Variants in P4HA1 observed in about 807,000 individuals in gnomAD.
The protein encoded by P4HA1 is prolyl 4-hydroxylase subunit alpha-1.
A neutral mutation model predicts 72.8 loss-of-function variants in P4HA1; 24 were observed. The observed-to-expected ratio is 0.33, with a 90% CI of 0.24 to 0.46. The LOEUF is 0.46. Ranked by LOEUF, P4HA1 falls within the 20% of genes least tolerant of loss-of-function variation. The pLI, the probability that P4HA1 is intolerant of heterozygous loss-of-function variation, is 1.00. For synonymous variants in P4HA1, 201 were observed against 218.8 expected (o/e 0.92, Z 0.72); for missense variants, 446 against 640.6 (o/e 0.70, Z 3.28).
intron 12 of P4HA1, among the ~76,000 whole-genome samples, chr10:73,013,785 C>G (rs538014352): frequency 5.3e-5 from 8 of 152,092 alleles, no homozygotes; most frequent in Middle Eastern, 3.4e-3. Context: ...ACTGAATACA[C>G]CAGAAGTGTT....
At chr10:73,059,612 G>A (rs183029990) in intron 5 of P4HA1, among the ~76,000 whole-genome samples, 3 of 150,938 alleles carry the variant, frequency 2.0e-5, no homozygotes, top group South Asian at 4.2e-4. Context: ...GCATGGTGGC[G>A]GGCGCCTATA....
Position 73,046,930 on chromosome 10 carries a change from G to C in P4HA1, c.1072C>G (p.Pro358Ala), listed in dbSNP as rs1299176298. 8.1e-6 allele frequency: 13 copies of C among 1,600,382 alleles called. No homozygotes were observed. The highest frequency in any genetic ancestry group is 1.1e-5 in the Non-Finnish European group (13 of 1,171,116). Residue 358 changes from proline to alanine, a missense_variant, in exon 8 of 15, where the codon CCA (proline) becomes GCA (alanine). By Grantham distance (27) the Pro-to-Ala change is conservative. Coordinates refer to ENST00000394890, the MANE Select transcript of P4HA1 (RefSeq NM_001017962.3). ...EIEIVKDLAK[P>A]RLRRATISNP... ...AGAAAGAAAACATTATTTACCCTTGGTTTTGCTAGGTCTTTGACGATTTCA... is the reference window on the plus strand; with the variant it reads ...AGAAAGAAAACATTATTTACCCTTGCTTTTGCTAGGTCTTTGACGATTTCA...
intron 1 of P4HA1, chr10:73,082,505 C>G (rs1841846912): frequency 6.6e-6 from 1 of 152,020 alleles, no homozygotes; most frequent in Non-Finnish European, 1.5e-5. Context: ...TTAAGCTAGT[C>G]AAGTAAAGCA....
intron 5 of P4HA1, among the ~76,000 whole-genome samples, chr10:73,054,130 T>C (rs1841080887): frequency 6.6e-6 from 1 of 152,082 alleles, no homozygotes; most frequent in Non-Finnish European, 1.5e-5. Flanking sequence ...GGTCTCGAAC[T>C]CCTGATCTCA....
chr10:73,066,728 T>G (rs1841432572), intron 5 of P4HA1, among the ~76,000 whole-genome samples: 1 of 152,080 alleles, frequency 6.6e-6, no homozygotes, highest in Non-Finnish European at 1.5e-5. Flanking sequence ...AACTGCATCA[T>G]GGGGGCAGTT....
chr10:73,022,967 T>C (rs1840172396), intron 10 of P4HA1, among the ~76,000 whole-genome samples: 1 of 151,946 alleles, frequency 6.6e-6, no homozygotes, highest in Admixed American at 6.6e-5. Flanking sequence ...AAGAAACAAA[T>C]AAAGCCTCCA....
chr10:73,015,572 G>A (rs75841221), intron 11 of P4HA1, among the ~76,000 whole-genome samples: 7,251 of 152,236 alleles, frequency 0.048, 607 homozygotes, highest in African/African-American at 0.17. Flanking sequence ...TATCACAAGA[G>A]ATTTATTTTC....
intron 11 of P4HA1, among the ~76,000 whole-genome samples, chr10:73,015,858 T>C (rs183019600): frequency 2.0e-3 from 298 of 151,208 alleles, no homozygotes; most frequent in Non-Finnish European, 3.3e-3. Context: ...AGTGATTTTA[T>C]TGGGTATCTA....
intron 5 of P4HA1, among the ~76,000 whole-genome samples, chr10:73,064,733 T>C (rs1488463119): frequency 6.6e-6 from 1 of 150,658 alleles, no homozygotes; most frequent in Non-Finnish European, 1.5e-5. Flanking sequence ...CCCAGCTACT[T>C]GGGAGGCTGA....
intron 1 of P4HA1, among the ~76,000 whole-genome samples, chr10:73,093,873 A>AT (rs1251692798): frequency 3.4e-5 from 1 of 29,322 alleles, no homozygotes; most frequent in African/African-American, 9.1e-5. Context: ...AAAAAAAAAA[A>AT]ATATATATAT....
At chr10:73,034,025 C>T (rs1840503632) in intron 9 of P4HA1, among the ~76,000 whole-genome samples, 1 of 151,936 alleles carries the variant, frequency 6.6e-6, no homozygotes, top group Non-Finnish European at 1.5e-5. Flanking sequence ...GTCTCGGCAA[C>T]CTAGCAAGAC....
At position 73,051,255 on chromosome 10, in the gene P4HA1, A is replaced by G. The variant is rs1841012870; in HGVS notation, c.704-6T>C. ...AGCTCTCTGATGTTCAGGATCTATT[A>G]GAAGAGAAACAAAGCATGTCCATGG... On this transcript the variant is annotated splice_polypyrimidine_tract_variant and splice_region_variant and intron_variant, in intron 6 of 14. Coordinates refer to ENST00000394890, the MANE Select transcript of P4HA1 (RefSeq NM_001017962.3). 4.6e-6 allele frequency: 7 copies of G among 1,520,850 alleles called. No homozygotes were observed. The highest frequency in any genetic ancestry group is 6.4e-6 in the Non-Finnish European group (7 of 1,101,920). 94.2% of individuals were successfully genotyped at this position (1,520,850 alleles called of 1,614,324 possible).
At chr10:73,030,972 CT>C (rs1472059582) in intron 9 of P4HA1, among the ~76,000 whole-genome samples, 2 of 152,102 alleles carry the variant, frequency 1.3e-5, no homozygotes, top group Non-Finnish European at 2.9e-5. Context: ...GCTCAAAATG[CT>C]AAACACAGTT....
chr10:73,011,061 T>C (rs751987204), intron 12 of P4HA1, 24 bp from the exon 13 acceptor site: 1 of 1,574,212 alleles, frequency 6.4e-7, no homozygotes, highest in East Asian at 2.2e-5. Flanking sequence ...GAGGGTGTTA[T>C]CAAAAGTGCT....
chr10:73,010,741 C>A (rs1212637130), intron 13 of P4HA1, among the ~76,000 whole-genome samples: 1 of 152,054 alleles, frequency 6.6e-6, no homozygotes, highest in Admixed American at 6.6e-5. Flanking sequence ...TGGTGACATG[C>A]ACCTGTAGTC....
chr10:73,037,755 A>G (rs1482980400), intron 9 of P4HA1, among the ~76,000 whole-genome samples: 1 of 150,772 alleles, frequency 6.6e-6, no homozygotes, highest in East Asian at 1.9e-4. Context: ...ATAACACTAT[A>G]CATCCACTCA....
At chr10:73,037,561 ATATATATATAT>A (rs1190471255) in intron 9 of P4HA1, among the ~76,000 whole-genome samples, 575 of 33,386 alleles carry the variant, frequency 0.017, 30 homozygotes, top group East Asian at 0.11. Flanking sequence ...ATATATATAT[ATATATATATAT>A]TTTTTTTTTT....
intron 2 of P4HA1, chr10:73,074,077 C>G: frequency 2.5e-6 from 1 of 403,852 alleles, no homozygotes; most frequent in Non-Finnish European, 4.4e-6. Context: ...AGCAAATTGT[C>G]TTTATATCTA....
Position 73,038,695 on chromosome 10 carries a change from C to T in P4HA1, c.1148+6286G>A, listed in dbSNP as rs964210476. Among the ~76,000 whole-genome samples, 13 of 99,622 alleles carry T rather than the reference C, an allele frequency of 1.3e-4. 1 individual carries two copies. Among genetic ancestry groups the T allele is most frequent in the African/African-American group, 1.9e-4 (3 of 15,668 alleles). The allele number at this position is 99,622 out of a possible 152,430, so 65.4% of individuals were successfully genotyped here. A position where few individuals can be genotyped will look rare whatever the true frequency, so the allele number is the denominator to read the frequency against. On this transcript the variant is annotated intron_variant, in intron 9 of 14. Transcript: ENST00000394890. ...AGGCTGGAGTGCAGTGGCGGGATCT[C>T]GGCTCACTGCAAGCTCCGCCTCCCG...
Sources: allele counts gnomAD v4.1 joint callset (sites outside exome capture counted in the v4.1 genomes callset), GRCh38; gene constraint gnomAD v4.1.1; transcripts MANE v1.5; gene names NCBI Gene and HGNC (gene_info 2026-07-23, HGNC 2026-07-21).